The following PCDHGB1 variants were observed in gnomAD, a reference collection of about 807,000 sequenced individuals.
The protein encoded by PCDHGB1 is protocadherin gamma subfamily B, 1.
In PCDHGB1, 34 loss-of-function variants were observed where a neutral mutation model predicts 56.6. The ratio of observed to expected loss-of-function variants is 0.60; its 90% confidence interval spans 0.46 to 0.80. PCDHGB1 has a LOEUF of 0.80. PCDHGB1 is among the 30% of genes least tolerant of loss of function. The pLI, the probability that PCDHGB1 is intolerant of heterozygous loss-of-function variation, is 0.00. For synonymous variants in PCDHGB1, 561 were observed against 505.9 expected (o/e 1.11, Z -1.46); for missense variants, 1,278 against 1,204.6 (o/e 1.06, Z -0.90).
chr5:141,403,026 AGGCCAG>A, intron 1 of PCDHGB1: 1 of 1,614,074 alleles, frequency 6.2e-7, no homozygotes, highest in Non-Finnish European at 8.5e-7. Context: ...ATGCTATGGG[AGGCCAG>A]GGCCAGTCAG....
intron 1 of PCDHGB1, chr5:141,389,441 C>T: frequency 6.2e-7 from 1 of 1,610,584 alleles, no homozygotes; most frequent in South Asian, 1.1e-5. Context: ...GCGCCTTCGA[C>T]CACGAGCAGC....
intron 3 of PCDHGB1, among the ~76,000 whole-genome samples, chr5:141,509,265 C>G (rs1296179995): frequency 1.3e-5 from 2 of 152,138 alleles, no homozygotes; most frequent in African/African-American, 4.8e-5. Flanking sequence ...TTTAGTCACT[C>G]TCGCTACCCG....
At chr5:141,356,605 G>A in intron 1 of PCDHGB1, 1 of 1,614,126 alleles carries the variant, frequency 6.2e-7, no homozygotes, top group Non-Finnish European at 8.5e-7. Flanking sequence ...CCCCAGAGGA[G>A]CCTCCATCTT....
rs765397942 is a variant in PCDHGB1, at chr5:141,371,419, A to G, written c.2409+18750A>G. On this transcript the variant is annotated intron_variant, in intron 1 of 3. Transcript: ENST00000523390. ...CAGATAGATATTTCAGATGAAAATG[A>G]CAATGCCCCGGAGATAACCCTGGCT... The G allele has an allele frequency of 3.1e-6, 5 of 1,613,904 alleles. No individual in the cohort carries two copies. The African/African-American group carries it at 6.7e-5, about 22-fold the overall frequency.
At chr5:141,418,641 T>C in intron 1 of PCDHGB1, 3 of 1,614,028 alleles carry the variant, frequency 1.9e-6, no homozygotes, top group Non-Finnish European at 2.5e-6. Flanking sequence ...GGCACCTCCA[T>C]CCTGAGAGTG....
chr5:141,387,947 G>C (rs1240846942), intron 1 of PCDHGB1: 25 of 1,484,496 alleles, frequency 1.7e-5, no homozygotes, highest in Non-Finnish European at 2.2e-5. Context: ...TTCTCTTCCT[G>C]CTGTCTTTGT....
At position 141,477,744 on chromosome 5, in the gene PCDHGB1, G is replaced by A; in HGVS notation, c.2410-17063G>A. On this transcript the variant is annotated intron_variant, in intron 1 of 3. Coordinates refer to ENST00000523390, the MANE Select transcript of PCDHGB1 (RefSeq NM_018922.3). The surrounding 1 kb of genome is among the most constrained non-coding windows in gnomAD (Gnocchi z 4.9). Reference sequence around the variant, plus strand: ...TTAACAGCTCATATCAGCGATGGGGGCACCCCGGTCCTAGCCACCAACATC... The same window carrying A: ...TTAACAGCTCATATCAGCGATGGGGACACCCCGGTCCTAGCCACCAACATC... 6.2e-7 allele frequency: 1 copy of A among 1,613,778 alleles called. No homozygotes were observed. The highest frequency in any genetic ancestry group is 8.5e-7 in the Non-Finnish European group (1 of 1,180,028).
At chr5:141,365,972 C>A (rs1287343424) in intron 1 of PCDHGB1, 1 of 1,614,232 alleles carries the variant, frequency 6.2e-7, no homozygotes, top group Admixed American at 1.7e-5. Context: ...CAACGTGTCG[C>A]TGAGCCTGTT....
At chr5:141,355,307 T>A (rs548636381) in intron 1 of PCDHGB1, 1 of 1,613,842 alleles carries the variant, frequency 6.2e-7, no homozygotes, top group African/African-American at 1.3e-5. Context: ...TACTCGGTGT[T>A]TGAGGAGCAG....
rs563057370 is a variant in PCDHGB1 at position 141,491,297 on chromosome 5, A to G, written c.2410-3510A>G. 1.2e-6 allele frequency: 2 copies of G among 1,614,106 alleles called. No homozygotes were observed. Among genetic ancestry groups the G allele is most frequent in the African/African-American group, 2.7e-5 (2 of 75,038 alleles). On this transcript the variant is annotated intron_variant, in intron 1 of 3. Transcript: ENST00000523390. This position sits in a 1 kb window ranked among gnomAD's most constrained non-coding sequence, Gnocchi z 6.9. The stretch of plus-strand genomic sequence containing the variant: ...AGTGACTTCCTCATACACCCTCCTG[A>G]GCGTTCAGACCTTACCCTTTACCTC...
At chr5:141,400,776 GT>G (rs1167512157) in intron 1 of PCDHGB1, 17 of 557,594 alleles carry the variant, frequency 3.0e-5, no homozygotes, top group East Asian at 1.8e-4. Flanking sequence ...CATTTGGTGC[GT>G]TTTTTTGTCC....
chr5:141,358,805 A>G (rs1327444568), intron 1 of PCDHGB1, among the ~76,000 whole-genome samples: 1 of 152,166 alleles, frequency 6.6e-6, no homozygotes, highest in South Asian at 2.1e-4. Flanking sequence ...GACTGATATG[A>G]TTTACGCTGC....
chr5:141,413,283 C>A lies in PCDHGB1; in HGVS notation c.2409+60614C>A, dbSNP rs377443382. On this transcript the variant is annotated intron_variant, in intron 1 of 3. Coordinates refer to ENST00000523390, the MANE Select transcript of PCDHGB1 (RefSeq NM_018922.3). ...GGGAGGCTGGAGCCCGGCAGATCTC[C>A]TACTCAATTCCTGAGGAATTAGAGA... The A allele has an allele frequency of 3.6e-5, 58 of 1,613,848 alleles. No individual in the cohort carries two copies. The African/African-American group carries it at 7.6e-4, about 21-fold the overall frequency.
At position 141,377,829 on chromosome 5, in the gene PCDHGB1, C is replaced by A. The variant is rs970459356; in HGVS notation, c.2409+25160C>A. On this transcript the variant is annotated intron_variant, in intron 1 of 3. Transcript: ENST00000523390. ...GTTATTTACTTGGGCCAGTTACAAT[C>A]GCCATTATCTTCCAATTAAAATTAA... 4 of 152,110 alleles carry A rather than the reference C, an allele frequency of 2.6e-5. No individual in the cohort carries two copies. In the South Asian group the frequency reaches 6.2e-4, roughly 24 times the overall value. The allele number at this position is 152,110 out of a possible 1,614,324, so 9.4% of individuals were successfully genotyped here.
chr5:141,470,622 A>G (rs1323376824), intron 1 of PCDHGB1, among the ~76,000 whole-genome samples: 6 of 152,336 alleles, frequency 3.9e-5, no homozygotes, highest in Admixed American at 6.5e-5. Flanking sequence ...CTTCATGCTT[A>G]GATAGGCCCC....
rs2090285300 is a variant in PCDHGB1 at position 141,385,561 on chromosome 5, TC to T, written c.2409+32894del. On this transcript the variant is annotated intron_variant, in intron 1 of 3. Coordinates refer to ENST00000523390, the MANE Select transcript of PCDHGB1 (RefSeq NM_018922.3). ...ATGTGGACTATCACATTTTATAATT[TC>T]CACCTACTTTCCAATCTATGTTCCA... The T allele has an allele frequency of 1.2e-5, 16 of 1,309,040 alleles. No homozygotes were observed. In the South Asian group the frequency reaches 3.4e-4, roughly 28 times the overall value. 81.1% of individuals were successfully genotyped at this position (1,309,040 alleles called of 1,614,324 possible).
At position 141,487,267 on chromosome 5, in the gene PCDHGB1, G is replaced by A; in HGVS notation, c.2410-7540G>A. 3 of 1,614,134 alleles carry A rather than the reference G, an allele frequency of 1.9e-6. No individual in the cohort carries two copies. The highest frequency in any genetic ancestry group is 2.5e-6 in the Non-Finnish European group (3 of 1,180,024). ...CCCTCTACTTGGCTGTGTCCCTAGT[G>A]GCAATTTGCTTTGTCTCCTTTGGCT... is the stretch of plus-strand genomic sequence containing the variant. On this transcript the variant is annotated intron_variant, in intron 1 of 3. Transcript: ENST00000523390. The surrounding 1 kb of genome is among the most constrained non-coding windows in gnomAD (Gnocchi z 5.0).
At chr5:141,472,455 G>A (rs191633108) in intron 1 of PCDHGB1, among the ~76,000 whole-genome samples, 2 of 151,972 alleles carry the variant, frequency 1.3e-5, no homozygotes, top group South Asian at 2.1e-4. Context: ...CAGGAGAATC[G>A]CTTGAACCCA....
At chr5:141,463,650 A>C (rs1206605758) in intron 1 of PCDHGB1, among the ~76,000 whole-genome samples, 1 of 151,746 alleles carries the variant, frequency 6.6e-6, no homozygotes, top group Non-Finnish European at 1.5e-5. Flanking sequence ...ACGGGGTTTC[A>C]CCGTGTTAGC....
Sources: allele counts gnomAD v4.1 joint callset (sites outside exome capture counted in the v4.1 genomes callset), GRCh38; gene constraint gnomAD v4.1.1; non-coding constraint Gnocchi (gnomAD v3.1); transcripts MANE v1.5; gene names NCBI Gene and HGNC (gene_info 2026-07-23, HGNC 2026-07-21).